The following TNIP1 variants were observed in gnomAD, a reference collection of about 807,000 sequenced individuals.
TNIP1 encodes TNFAIP3 interacting protein 1.
A neutral mutation model predicts 86.6 loss-of-function variants in TNIP1; 22 were observed. That is an observed-to-expected ratio of 0.25 (90% confidence interval 0.18 to 0.36). TNIP1 has a LOEUF of 0.36. Ranked by LOEUF, TNIP1 falls within the 10% of genes least tolerant of loss-of-function variation. TNIP1 has a pLI of 1.00. For synonymous variants in TNIP1, 294 were observed against 313.0 expected (o/e 0.94, Z 0.64); for missense variants, 709 against 820.6 (o/e 0.86, Z 1.66).
At chr5:151,041,648 C>T (rs1235521497) in intron 11 of TNIP1, among the ~76,000 whole-genome samples, 3 of 152,226 alleles carry the variant, frequency 2.0e-5, no homozygotes, top group Non-Finnish European at 4.4e-5. Context: ...ATCATAGGCA[C>T]AAGCCACCCA....
At position 151,065,053 on chromosome 5, in the gene TNIP1, T is replaced by C; in HGVS notation, c.43A>G (p.Ser15Gly). The C allele has an allele frequency of 1.2e-6, 2 of 1,614,194 alleles. No individual in the cohort carries two copies. Among genetic ancestry groups the C allele is most frequent in the South Asian group, 1.1e-5 (1 of 91,090 alleles). ...GPYRIYDPGG[S>G]VPSGEASAAF... The stretch of plus-strand genomic sequence containing the variant: ...GCGGATGCCTCTCCTGAGGGCACGC[T>C]GCCCCCAGGGTCGTAGATCCGGTAC... Residue 15 changes from serine (S) to glycine (G), a missense_variant, in exon 2 of 18, where the codon AGC (serine) becomes GGC (glycine). By Grantham distance (56) the Ser-to-Gly change is moderately conservative. Transcript: ENST00000521591.
chr5:151,055,058 C>T (rs887962052), intron 6 of TNIP1, among the ~76,000 whole-genome samples: 2 of 152,192 alleles, frequency 1.3e-5, no homozygotes, highest in Non-Finnish European at 2.9e-5. Context: ...AAGATCATCA[C>T]CTTCCATCCA....
At chr5:151,032,569 C>A (rs762155132) in intron 16 of TNIP1, 186 bp from the exon 17 acceptor site, 25 of 636,808 alleles carry the variant, frequency 3.9e-5, no homozygotes, top group Middle Eastern at 4.1e-4. Context: ...TGCTGAAGGT[C>A]ATCTAGCAAG....
At chr5:151,052,931 C>A (rs1259909368) in intron 6 of TNIP1, among the ~76,000 whole-genome samples, 1 of 151,930 alleles carries the variant, frequency 6.6e-6, no homozygotes, top group Non-Finnish European at 1.5e-5. Context: ...CAGGCGAGTC[C>A]TAGGGGGGCT....
At chr5:151,051,723 C>T (rs867320083) in intron 7 of TNIP1, among the ~76,000 whole-genome samples, 2 of 152,186 alleles carry the variant, frequency 1.3e-5, no homozygotes, top group African/African-American at 4.8e-5. Context: ...GGCGTATAAA[C>T]TTGTAATGCC....
At chr5:151,053,500 G>C (rs990585367) in intron 6 of TNIP1, among the ~76,000 whole-genome samples, 6 of 152,202 alleles carry the variant, frequency 3.9e-5, no homozygotes, top group African/African-American at 1.4e-4. Flanking sequence ...TGAACCATCA[G>C]TCACTTGCTT....
chr5:151,066,316 A>G (rs1447587897), intron 1 of TNIP1, among the ~76,000 whole-genome samples: 1 of 152,224 alleles, frequency 6.6e-6, no homozygotes, highest in African/African-American at 2.4e-5. Context: ...CTAAGGCTGA[A>G]ACACCGAGCC....
chr5:151,049,204 T>A (rs569038400), intron 8 of TNIP1, among the ~76,000 whole-genome samples: 20 of 152,290 alleles, frequency 1.3e-4, no homozygotes, highest in Middle Eastern at 3.4e-3. Context: ...GAGTTGGGAC[T>A]CAGCTCTGCA....
chr5:151,055,197 C>G (rs998796755), intron 6 of TNIP1, among the ~76,000 whole-genome samples: 10 of 151,974 alleles, frequency 6.6e-5, no homozygotes, highest in African/African-American at 2.4e-4. Context: ...TGCCTGCCCC[C>G]CTCAAGCTTA....
In TNIP1 at chr5:151,036,810, T is replaced by G. The variant is rs1757763354; in HGVS notation, c.1375A>C (p.Asn459His). 1 of 1,613,942 alleles carries G rather than the reference T, an allele frequency of 6.2e-7. No individual in the cohort carries two copies. Among genetic ancestry groups the G allele is most frequent in the Admixed American group, 1.7e-5 (1 of 59,990 alleles). Reference sequence around the variant, plus strand: ...CTCACCTGCTGTTTCAGCAACTCATTCTGCGTGACCAGCTCCTGTTTCCTT... The same window carrying G: ...CTCACCTGCTGTTTCAGCAACTCATGCTGCGTGACCAGCTCCTGTTTCCTT... The part of the protein sequence containing the change: ...LLRKQELVTQ[N>H]ELLKQQVKIF... The change falls in exon 13 of 18, where the codon AAT becomes CAT. Residue 459 changes from asparagine to histidine, a missense_variant. By Grantham distance (68) the Asn-to-His change is moderately conservative. Transcript: ENST00000521591.
intron 8 of TNIP1, among the ~76,000 whole-genome samples, chr5:151,049,508 A>C (rs1420503496): frequency 1.3e-5 from 2 of 152,190 alleles, no homozygotes; most frequent in Non-Finnish European, 2.9e-5. Context: ...ACCTTGACAA[A>C]CTGGAATGTG....
chr5:151,087,449 G>C (rs943573387), upstream of TNIP1: 28 of 152,432 alleles, frequency 1.8e-4, no homozygotes, highest in Non-Finnish European at 8.8e-5. Flanking sequence ...GAATGGGCTG[G>C]GGCAACCTGG....
At chr5:151,072,996 C>T (rs112844893) in intron 1 of TNIP1, among the ~76,000 whole-genome samples, 33 of 152,020 alleles carry the variant, frequency 2.2e-4, no homozygotes, top group African/African-American at 7.0e-4. Context: ...CCGAGGTGGG[C>T]GGATCACCTG....
intron 1 of TNIP1, among the ~76,000 whole-genome samples, chr5:151,067,944 G>A (rs1561530481): frequency 6.6e-6 from 1 of 152,204 alleles, no homozygotes; most frequent in East Asian, 1.9e-4. Context: ...CAGGATGCAG[G>A]ATGTGGGAAC....
intron 8 of TNIP1, among the ~76,000 whole-genome samples, chr5:151,049,566 A>G (rs560680942): frequency 7.2e-5 from 11 of 152,336 alleles, no homozygotes; most frequent in African/African-American, 2.2e-4. Flanking sequence ...ACCACCTTCT[A>G]TGAGCAATGG....
At chr5:151,036,744 GCTCCCACAGAGCAC>G (rs1757752925) in intron 13 of TNIP1, 32 bp downstream of exon 13, 1 of 1,612,888 alleles carries the variant, frequency 6.2e-7, no homozygotes, top group East Asian at 2.2e-5. Context: ...GAAAGCTCCA[GCTCCCACAGAGCAC>G]CTCCCACCTG....
chr5:151,061,722 C>T (rs1761595907), intron 4 of TNIP1, among the ~76,000 whole-genome samples: 2 of 152,202 alleles, frequency 1.3e-5, no homozygotes, highest in South Asian at 4.1e-4. Flanking sequence ...AAGCAATCCT[C>T]CTGCCTCAGC....
At chr5:151,057,458 G>T (rs1338436853) in intron 5 of TNIP1, among the ~76,000 whole-genome samples, 2 of 152,214 alleles carry the variant, frequency 1.3e-5, no homozygotes, top group African/African-American at 4.8e-5. Context: ...GGGCGCGATG[G>T]CTCACGCCTG....
At chr5:151,034,595 G>A in intron 15 of TNIP1, 2 of 322,674 alleles carry the variant, frequency 6.2e-6, no homozygotes, top group South Asian at 4.9e-5. Context: ...GGCATGGAAG[G>A]CTGGTACATG....
Sources: gnomAD v4.1 joint callset for allele counts (sites outside exome capture counted in the v4.1 genomes callset) on GRCh38, gnomAD v4.1.1 for gene constraint, MANE v1.5 for transcripts, NCBI Gene and HGNC (gene_info 2026-07-23, HGNC 2026-07-21) for gene names.